FRMD4A: variants seen among roughly 807,000 people sequenced by gnomAD.
FRMD4A encodes FERM domain-containing protein 4A.
A neutral mutation model predicts 129.1 loss-of-function variants in FRMD4A; 29 were observed. The ratio of observed to expected loss-of-function variants is 0.22; its 90% CI spans 0.17 to 0.31. The LOEUF (loss-of-function observed/expected upper bound fraction) is 0.31, where lower values mean the gene tolerates loss of function less well. FRMD4A is among the 10% of genes least tolerant of loss of function. The pLI is 1.00. For synonymous variants in FRMD4A, 634 were observed against 571.6 expected (o/e 1.11, Z -1.56); for missense variants, 1,272 against 1,375.8 (o/e 0.92, Z 1.19).
chr10:14,293,895 T>C lies in FRMD4A; in HGVS notation c.45+36163A>G, dbSNP rs577161347. On this transcript the variant is annotated intron_variant, in intron 2 of 24. Transcript: ENST00000357447. ...GTGCTAGATTCACAATTGCACATTA[T>C]ATATCAATGTTAAGGAACCTCAAAG... Among the ~76,000 whole-genome samples the C allele has an allele frequency of 1.4e-3, 208 of 152,304 alleles. 1 individual carries two copies. Among genetic ancestry groups the C allele is most frequent in the African/African-American group, 4.9e-3 (202 of 41,572 alleles).
chr10:13,781,264 A>G (rs887246315), intron 6 of FRMD4A, among the ~76,000 whole-genome samples: 8 of 140,792 alleles, frequency 5.7e-5, no homozygotes, highest in African/African-American at 1.6e-4. Flanking sequence ...AGATTGCACC[A>G]CTGAACTCCA....
At chr10:13,873,225 C>A (rs779576681) in intron 2 of FRMD4A, among the ~76,000 whole-genome samples, 1 of 148,960 alleles carries the variant, frequency 6.7e-6, no homozygotes, top group South Asian at 2.2e-4. Context: ...TAGATGGAGA[C>A]CCCAGACAGA....
intron 12 of FRMD4A, among the ~76,000 whole-genome samples, chr10:13,735,558 C>T (rs1343907770): frequency 6.6e-6 from 1 of 152,166 alleles, no homozygotes; most frequent in Non-Finnish European, 1.5e-5. Flanking sequence ...TAGCTCATCA[C>T]CTCTTCACTC....
intron 2 of FRMD4A, among the ~76,000 whole-genome samples, chr10:13,961,575 A>C (rs957985808): frequency 6.6e-6 from 1 of 152,180 alleles, no homozygotes; most frequent in Non-Finnish European, 1.5e-5. Context: ...ACCAAATGTG[A>C]CTTCTGCCCA....
chr10:14,010,967 G>T lies in FRMD4A; in HGVS notation c.46-152055C>A, dbSNP rs544680548. Among the ~76,000 whole-genome samples, 23 of 152,286 alleles carry T rather than the reference G, an allele frequency of 1.5e-4. No homozygotes were observed. The South Asian group carries it at 3.9e-3, about 26-fold the overall frequency. On this transcript the variant is annotated intron_variant, in intron 2 of 24. Coordinates refer to ENST00000357447, the MANE Select transcript of FRMD4A (RefSeq NM_018027.5). ...GCCATGTGCTGTGAGGTTATCAAAG[G>T]CTACTTCCATGGAGGAAATGCGTTT...
intron 2 of FRMD4A, among the ~76,000 whole-genome samples, chr10:14,054,016 T>A (rs1256687030): frequency 1.3e-5 from 2 of 151,844 alleles, no homozygotes; most frequent in African/African-American, 4.8e-5. Context: ...CTACAAAATT[T>A]TTTTTTAAAA....
chr10:14,164,717 G>T (rs2131875535), intron 2 of FRMD4A, among the ~76,000 whole-genome samples: 1 of 152,274 alleles, frequency 6.6e-6, no homozygotes, highest in East Asian at 1.9e-4. Context: ...ACCTCTTGGA[G>T]CCATGGTTTT....
Position 13,728,573 on chromosome 10 carries a change from C to CTTTTTTTTTTTTTTTTTTTTTTTTT in FRMD4A, c.759+9270_759+9271insAAAAAAAAAAAAAAAAAAAAAAAAA, listed in dbSNP as rs10706168. On this transcript the variant is annotated intron_variant, in intron 12 of 24. Coordinates refer to ENST00000357447, the MANE Select transcript of FRMD4A (RefSeq NM_018027.5). ...TCAGTGCTTTCAGGTGATTACCATTCTTTTTTTTTTTTTTTTTGAGATGGA... is the reference window on the plus strand; with the variant it reads ...TCAGTGCTTTCAGGTGATTACCATTCTTTTTTTTTTTTTTTTTTTTTTTTTTTTTTTTTTTTTTTTTTGAGATGGA... Among the ~76,000 whole-genome samples, 150 of 78,342 alleles carry CTTTTTTTTTTTTTTTTTTTTTTTTT rather than the reference C, an allele frequency of 1.9e-3. 39 individuals are homozygous for CTTTTTTTTTTTTTTTTTTTTTTTTT. The highest frequency in any genetic ancestry group is 2.5e-3 in the Non-Finnish European group (105 of 42,026). The allele number at this position is 78,342 out of a possible 152,430, so 51.4% of individuals were successfully genotyped here.
At chr10:14,152,117 CTTTTTTTT>C (rs36023583) in intron 2 of FRMD4A, among the ~76,000 whole-genome samples, 2 of 54,112 alleles carry the variant, frequency 3.7e-5, no homozygotes, top group East Asian at 7.0e-4. Flanking sequence ...TTGTGTAGTG[CTTTTTTTT>C]TTTTTTTTTT....
intron 2 of FRMD4A, among the ~76,000 whole-genome samples, chr10:14,207,307 T>G (rs1026831709): frequency 6.6e-6 from 1 of 151,692 alleles, no homozygotes; most frequent in Non-Finnish European, 1.5e-5. Context: ...CGGATGGGGG[T>G]GGGGTGATGG....
chr10:14,245,152 G>T (rs536513614), intron 2 of FRMD4A, among the ~76,000 whole-genome samples: 1 of 152,232 alleles, frequency 6.6e-6, no homozygotes, highest in South Asian at 2.1e-4. Context: ...CTTACGCTTG[G>T]GTCCCCAGGA....
intron 2 of FRMD4A, among the ~76,000 whole-genome samples, chr10:13,898,029 T>C (rs532530535): frequency 7.3e-4 from 110 of 151,026 alleles, no homozygotes; most frequent in African/African-American, 2.6e-3. Flanking sequence ...GGCCTCAAAA[T>C]GAACGGCCAG....
At chr10:13,707,969 G>T (rs2087639528) in intron 12 of FRMD4A, 1 of 807,302 alleles carries the variant, frequency 1.2e-6, no homozygotes, top group African/African-American at 1.9e-5. Context: ...TCCTTTCATT[G>T]GATGAAAAAG....
chr10:14,278,515 C>T (rs967606223), intron 2 of FRMD4A, among the ~76,000 whole-genome samples: 2 of 152,258 alleles, frequency 1.3e-5, no homozygotes, highest in Admixed American at 6.5e-5. Context: ...TTCCTTTCAG[C>T]GACTCCTCCA....
chr10:13,709,880 G>A (rs1401858408), intron 12 of FRMD4A, among the ~76,000 whole-genome samples: 1 of 150,726 alleles, frequency 6.6e-6, no homozygotes, highest in Non-Finnish European at 1.5e-5. Context: ...GTTGCTATAC[G>A]CTTTTTAAAA....
intron 2 of FRMD4A, among the ~76,000 whole-genome samples, chr10:14,211,441 T>C (rs1319177764): frequency 6.6e-6 from 1 of 152,182 alleles, no homozygotes; most frequent in Non-Finnish European, 1.5e-5. Context: ...AATAGCTCCT[T>C]AAGGCACGCA....
intron 2 of FRMD4A, among the ~76,000 whole-genome samples, chr10:14,143,771 T>C (rs1337541931): frequency 6.6e-6 from 1 of 152,086 alleles, no homozygotes; most frequent in Non-Finnish European, 1.5e-5. Context: ...CCCACCATCA[T>C]GCCTGGCTAA....
intron 2 of FRMD4A, among the ~76,000 whole-genome samples, chr10:13,877,589 T>C (rs1035390835): frequency 5.3e-5 from 8 of 152,272 alleles, no homozygotes; most frequent in African/African-American, 1.2e-4. Context: ...AGTGCTTCCA[T>C]AGGGGGAAGT....
At chr10:14,116,333 T>C (rs1418936575) in intron 2 of FRMD4A, among the ~76,000 whole-genome samples, 1 of 152,204 alleles carries the variant, frequency 6.6e-6, no homozygotes, top group African/African-American at 2.4e-5. Flanking sequence ...AAGCGAAGAA[T>C]GCACACTGGT....
Sources: gnomAD v4.1 joint callset for allele counts (sites outside exome capture counted in the v4.1 genomes callset) on GRCh38, gnomAD v4.1.1 for gene constraint, MANE v1.5 for transcripts, NCBI Gene and HGNC (gene_info 2026-07-23, HGNC 2026-07-21) for gene names.